Variants in IMMP2L observed in about 807,000 individuals in gnomAD.
IMMP2L encodes the protein mitochondrial inner membrane protease subunit 2.
A neutral mutation model predicts 19.3 loss-of-function variants in IMMP2L; 18 were observed. The ratio of observed to expected loss-of-function variants is 0.93; its 90% CI spans 0.64 to 1.38. The LOEUF is 1.38. Ranked by LOEUF, IMMP2L falls within the 40% of genes most tolerant of loss-of-function variation. The pLI is 0.00. For synonymous variants in IMMP2L, 76 were observed against 73.0 expected (o/e 1.04, Z -0.21); for missense variants, 233 against 218.2 (o/e 1.07, Z -0.43).
intron 3 of IMMP2L, among the ~76,000 whole-genome samples, chr7:111,127,883 A>G (rs1801471470): frequency 6.6e-6 from 1 of 152,200 alleles, no homozygotes; most frequent in South Asian, 2.1e-4. Flanking sequence ...ATTTTCTAAC[A>G]ATAAGCATAC....
intron 5 of IMMP2L, among the ~76,000 whole-genome samples, chr7:110,820,014 T>C (rs1230012849): frequency 6.6e-6 from 1 of 152,092 alleles, no homozygotes; most frequent in Non-Finnish European, 1.5e-5. Context: ...AGCAACTCTT[T>C]ATTTCTGGTA....
At position 111,174,533 on chromosome 7, in the gene IMMP2L, G is replaced by A. The variant is rs115848204; in HGVS notation, c.240-210968C>T. Among the ~76,000 whole-genome samples the A allele has an allele frequency of 5.5e-3, 840 of 151,710 alleles. 13 individuals are homozygous for A. Among genetic ancestry groups the A allele is most frequent in the African/African-American group, 0.018 (756 of 41,456 alleles). ...GAATTTCAAGGTTCAGAGTGGTTACGGGAAATATACAGCCTAAATCTTCTG... is the reference window on the plus strand; with the variant it reads ...GAATTTCAAGGTTCAGAGTGGTTACAGGAAATATACAGCCTAAATCTTCTG... On this transcript the variant is annotated intron_variant, in intron 3 of 5. Transcript: ENST00000405709.
intron 3 of IMMP2L, among the ~76,000 whole-genome samples, chr7:111,102,578 T>G (rs918873658): frequency 1.3e-5 from 2 of 151,594 alleles, no homozygotes; most frequent in Admixed American, 6.6e-5. Flanking sequence ...TTATTTTGTT[T>G]TGTTTAAATC....
intron 1 of IMMP2L, among the ~76,000 whole-genome samples, chr7:111,535,258 A>T (rs1489353719): frequency 6.6e-6 from 1 of 152,040 alleles, no homozygotes; most frequent in Non-Finnish European, 1.5e-5. Flanking sequence ...AGGTAGAGAA[A>T]TGTTCCATAT....
At chr7:111,014,205 A>G (rs1226890493) in intron 3 of IMMP2L, among the ~76,000 whole-genome samples, 1 of 152,056 alleles carries the variant, frequency 6.6e-6, no homozygotes, top group East Asian at 1.9e-4. Context: ...AAATACAAAA[A>G]TTAGCCAGGC....
At chr7:111,236,774 T>C (rs1272016419) in intron 3 of IMMP2L, among the ~76,000 whole-genome samples, 2 of 152,228 alleles carry the variant, frequency 1.3e-5, no homozygotes, top group Admixed American at 6.5e-5. Context: ...CTCCCTGTGC[T>C]GGGCCCTGGA....
intron 3 of IMMP2L, among the ~76,000 whole-genome samples, chr7:111,366,142 A>G (rs1829740147): frequency 6.6e-6 from 1 of 152,092 alleles, no homozygotes; most frequent in Non-Finnish European, 1.5e-5. Context: ...GCTCATTAAT[A>G]GCAAGGGGAT....
intron 5 of IMMP2L, among the ~76,000 whole-genome samples, chr7:110,791,684 A>C (rs1033542810): frequency 2.0e-5 from 3 of 151,790 alleles, no homozygotes; most frequent in Admixed American, 6.6e-5. Context: ...AGGTACCACC[A>C]CAGTAAGCCC....
chr7:110,979,843 A>G (rs1347215919), intron 3 of IMMP2L, among the ~76,000 whole-genome samples: 1 of 152,190 alleles, frequency 6.6e-6, no homozygotes, highest in Non-Finnish European at 1.5e-5. Flanking sequence ...TTCTCAAGTT[A>G]GATAATGTTA....
At chr7:110,714,352 T>G (rs911131213) in intron 5 of IMMP2L, among the ~76,000 whole-genome samples, 2 of 152,164 alleles carry the variant, frequency 1.3e-5, no homozygotes, top group African/African-American at 4.8e-5. Context: ...ATTTTCCACC[T>G]TAACATAGAT....
chr7:111,024,621 T>A (rs1358435764), intron 3 of IMMP2L, among the ~76,000 whole-genome samples: 1 of 152,190 alleles, frequency 6.6e-6, no homozygotes, highest in Non-Finnish European at 1.5e-5. Flanking sequence ...TATTTTGCCC[T>A]TTTTTATTGT....
At chr7:111,473,107 T>C (rs964603174) in intron 3 of IMMP2L, among the ~76,000 whole-genome samples, 2 of 152,100 alleles carry the variant, frequency 1.3e-5, no homozygotes, top group South Asian at 2.1e-4. Flanking sequence ...ATAATAAAAA[T>C]AAAGAATATC....
At chr7:111,345,403 A>G (rs1016196840) in intron 3 of IMMP2L, among the ~76,000 whole-genome samples, 1 of 152,148 alleles carries the variant, frequency 6.6e-6, no homozygotes, top group African/African-American at 2.4e-5. Context: ...TGTTGCACAC[A>G]TTGGACTGTC....
chr7:110,891,068 T>C (rs1343449643), intron 4 of IMMP2L, among the ~76,000 whole-genome samples: 1 of 152,026 alleles, frequency 6.6e-6, no homozygotes, highest in African/African-American at 2.4e-5. Context: ...ATTATTCTCT[T>C]AGCTTTTCTC....
At position 111,366,106 on chromosome 7, in the gene IMMP2L, G is replaced by A. The variant is rs553031076; in HGVS notation, c.239+121132C>T. ...ATCAAGAAGAGAAATTTACATGCAC[G>A]GTCTCTGAGTATCTCCCCATGGATT... On this transcript the variant is annotated intron_variant, in intron 3 of 5. Transcript: ENST00000405709. 7.9e-5 allele frequency among the ~76,000 whole-genome samples: 12 copies of A among 152,060 alleles called. No individual in the cohort carries two copies. The South Asian group carries it at 2.5e-3, about 32-fold the overall frequency.
intron 3 of IMMP2L, among the ~76,000 whole-genome samples, chr7:111,136,170 G>A (rs1270417686): frequency 1.3e-5 from 2 of 152,008 alleles, no homozygotes; most frequent in African/African-American, 4.8e-5. Flanking sequence ...TGGGATTACA[G>A]GCACCCGCCA....
At chr7:111,137,636 C>T (rs1802477373) in intron 3 of IMMP2L, among the ~76,000 whole-genome samples, 1 of 152,138 alleles carries the variant, frequency 6.6e-6, no homozygotes, top group Admixed American at 6.5e-5. Flanking sequence ...TACTTCAATG[C>T]TCTGAATGAT....
At chr7:111,313,760 A>C (rs2130337807) in intron 3 of IMMP2L, among the ~76,000 whole-genome samples, 1 of 152,272 alleles carries the variant, frequency 6.6e-6, no homozygotes, top group East Asian at 1.9e-4. Flanking sequence ...GGTATACAGG[A>C]GAGCCAACTA....
rs1798440730 is a variant in IMMP2L at position 111,105,473 on chromosome 7, C to T, written c.240-141908G>A. On this transcript the variant is annotated intron_variant, in intron 3 of 5. Coordinates refer to ENST00000405709, the MANE Select transcript of IMMP2L (RefSeq NM_032549.4). ...CATACGTTACCATCTTCCATGACAACAGAAACTTACTGACGGACAATTTAC... is the reference window on the plus strand; with the variant it reads ...CATACGTTACCATCTTCCATGACAATAGAAACTTACTGACGGACAATTTAC... Among the ~76,000 whole-genome samples, 3 of 151,906 alleles carry T rather than the reference C, an allele frequency of 2.0e-5. 1 individual carries two copies. Among genetic ancestry groups the T allele is most frequent in the South Asian group, 4.1e-4 (2 of 4,832 alleles).
Sources: gnomAD v4.1 joint callset for allele counts (sites outside exome capture counted in the v4.1 genomes callset) on GRCh38, gnomAD v4.1.1 for gene constraint, MANE v1.5 for transcripts, NCBI Gene and HGNC (gene_info 2026-07-23, HGNC 2026-07-21) for gene names.